WWOX: variants seen among roughly 807,000 people sequenced by gnomAD.
WWOX encodes WW domain-containing oxidoreductase.
Under a neutral mutation model 46.2 loss-of-function variants are expected in WWOX, and 69 were observed. That is an observed-to-expected ratio of 1.49 (90% CI 1.23 to 1.82). The LOEUF is 1.82. Among genes scored for constraint, WWOX ranks in the 40% most tolerant of loss-of-function variants. The pLI is 0.00. For synonymous variants in WWOX, 359 were observed against 202.6 expected (o/e 1.77, Z -6.56); for missense variants, 919 against 542.6 (o/e 1.69, Z -6.89).
chr16:79,177,105 T>A (rs1314847992), intron 8 of WWOX, among the ~76,000 whole-genome samples: 3 of 152,144 alleles, frequency 2.0e-5, no homozygotes, highest in African/African-American at 7.2e-5. Context: ...GGCTTCACAC[T>A]CAGTGCACAA....
intron 8 of WWOX, among the ~76,000 whole-genome samples, chr16:78,522,062 C>G (rs945297944): frequency 7.3e-5 from 11 of 151,576 alleles, no homozygotes; most frequent in African/African-American, 2.2e-4. Flanking sequence ...CTGTTGCAAA[C>G]CCACGTCTGT....
chr16:79,031,284 G>C (rs1423294795), intron 8 of WWOX, among the ~76,000 whole-genome samples: 2 of 152,098 alleles, frequency 1.3e-5, no homozygotes, highest in Non-Finnish European at 2.9e-5. Context: ...GTACGTGGTG[G>C]GTGACTCCCT....
intron 8 of WWOX, among the ~76,000 whole-genome samples, chr16:78,719,467 G>A (rs575966041): frequency 3.9e-5 from 6 of 152,328 alleles, no homozygotes; most frequent in Admixed American, 2.6e-4. Context: ...TGAAAAAGTC[G>A]AGAAATGTTA....
intron 5 of WWOX, among the ~76,000 whole-genome samples, chr16:78,242,244 G>C (rs531615015): frequency 6.6e-4 from 100 of 152,238 alleles, no homozygotes; most frequent in African/African-American, 2.3e-3. Flanking sequence ...CATAATTCTG[G>C]ATATTGTTTC....
intron 8 of WWOX, among the ~76,000 whole-genome samples, chr16:78,873,797 TA>T (rs2044177314): frequency 6.6e-6 from 1 of 152,060 alleles, no homozygotes; most frequent in East Asian, 1.9e-4. Context: ...AAAAAGTAAA[TA>T]AAATAGTAAA....
chr16:78,873,017 G>C (rs749920741), intron 8 of WWOX: 1 of 152,282 alleles, frequency 6.6e-6, no homozygotes, highest in Non-Finnish European at 1.5e-5. Context: ...GGCTGGTCTG[G>C]AGCTCCTGGC....
chr16:78,730,529 G>A (rs1191567783), intron 8 of WWOX, among the ~76,000 whole-genome samples: 1 of 151,890 alleles, frequency 6.6e-6, no homozygotes, highest in Non-Finnish European at 1.5e-5. Flanking sequence ...TGAGCTCACT[G>A]CAGCCTCAAC....
intron 5 of WWOX, among the ~76,000 whole-genome samples, chr16:78,257,110 TG>T (rs990355522): frequency 6.6e-6 from 1 of 151,826 alleles, no homozygotes; most frequent in Non-Finnish European, 1.5e-5. Flanking sequence ...GCTCGTGGCG[TG>T]GGGTCTTCAT....
chr16:78,315,676 T>A (rs1350203036), intron 5 of WWOX, among the ~76,000 whole-genome samples: 2 of 152,068 alleles, frequency 1.3e-5, no homozygotes, highest in African/African-American at 2.4e-5. Flanking sequence ...ATAAAAATTA[T>A]GTGATTAGAG....
At chr16:78,515,442 T>C (rs1227271334) in intron 8 of WWOX, among the ~76,000 whole-genome samples, 2 of 152,184 alleles carry the variant, frequency 1.3e-5, no homozygotes, top group African/African-American at 4.8e-5. Flanking sequence ...CACACTGAGA[T>C]GAGACACCAG....
At chr16:78,268,841 A>T (rs563221251) in intron 5 of WWOX, among the ~76,000 whole-genome samples, 3 of 152,256 alleles carry the variant, frequency 2.0e-5, no homozygotes, top group African/African-American at 7.2e-5. Context: ...ACATTATTTG[A>T]ATAATTTTTT....
At chr16:78,906,959 G>A (rs1269282286) in intron 8 of WWOX, among the ~76,000 whole-genome samples, 2 of 152,188 alleles carry the variant, frequency 1.3e-5, no homozygotes, top group Admixed American at 1.3e-4. Context: ...TGGTGATAAC[G>A]TAACCGCCCA....
chr16:78,670,694 CAG>C (rs2047440247), intron 8 of WWOX, among the ~76,000 whole-genome samples: 1 of 151,848 alleles, frequency 6.6e-6, no homozygotes, highest in African/African-American at 2.4e-5. Context: ...ATTTAAAAAA[CAG>C]AGATAGAGTC....
intron 8 of WWOX, among the ~76,000 whole-genome samples, chr16:78,689,770 A>T (rs573910416): frequency 6.6e-6 from 1 of 152,246 alleles, no homozygotes; most frequent in African/African-American, 2.4e-5. Context: ...TCTCTCCCCT[A>T]TTGCAACAGC....
At chr16:78,639,121 T>C (rs1282391731) in intron 8 of WWOX, among the ~76,000 whole-genome samples, 1 of 152,198 alleles carries the variant, frequency 6.6e-6, no homozygotes, top group Non-Finnish European at 1.5e-5. Flanking sequence ...TGGACATTTA[T>C]TGTTCTTTTT....
At chr16:78,880,502 C>T (rs2044321111) in intron 8 of WWOX, among the ~76,000 whole-genome samples, 1 of 152,194 alleles carries the variant, frequency 6.6e-6, no homozygotes, top group East Asian at 1.9e-4. Flanking sequence ...AATAATTAGT[C>T]AAGCACTATC....
Position 78,328,636 on chromosome 16 carries a change from G to C in WWOX, c.517-58224G>C, listed in dbSNP as rs76871915. The stretch of plus-strand genomic sequence containing the variant: ...TGGAAATTAGATGAATCCGGAGTTA[G>C]TGCAATGAAAGTTACTAAGAGAGAA... On this transcript the variant is annotated intron_variant, in intron 5 of 8. Coordinates refer to ENST00000566780, the MANE Select transcript of WWOX (RefSeq NM_016373.4). Among the ~76,000 whole-genome samples the C allele has an allele frequency of 3.3e-3, 498 of 152,262 alleles. 12 individuals carry two copies. The East Asian group carries it at 0.046, about 14-fold the overall frequency.
chr16:78,982,526 C>G (rs536874238), intron 8 of WWOX, among the ~76,000 whole-genome samples: 1 of 152,290 alleles, frequency 6.6e-6, no homozygotes, highest in Admixed American at 6.5e-5. Context: ...TAGACTTTAA[C>G]TGACAGATTC....
intron 5 of WWOX, among the ~76,000 whole-genome samples, chr16:78,282,105 G>A (rs541093108): frequency 7.9e-5 from 12 of 152,224 alleles, no homozygotes; most frequent in African/African-American, 2.4e-4. Flanking sequence ...TCATGTCCCC[G>A]GATGATGCGG....
Sources: gnomAD v4.1 joint callset for allele counts (sites outside exome capture counted in the v4.1 genomes callset) on GRCh38, gnomAD v4.1.1 for gene constraint, MANE v1.5 for transcripts, NCBI Gene and HGNC (gene_info 2026-07-23, HGNC 2026-07-21) for gene names.